PHF14: variants seen among roughly 807,000 people sequenced by gnomAD.
PHF14 encodes the protein PHD finger protein 14.
Under a neutral mutation model 117.9 loss-of-function variants are expected in PHF14, and 55 were observed. The observed-to-expected ratio is 0.47, with a 90% confidence interval of 0.38 to 0.58. The LOEUF is 0.58. PHF14 is among the 20% of genes least tolerant of loss of function. The pLI is 0.00. For missense variants in PHF14, 978 were observed against 1,122.2 expected, an observed-to-expected ratio of 0.87 and a Z score of 1.84; for synonymous variants, 409 against 368.6, an observed-to-expected ratio of 1.11 and a Z score of -1.26.
chr7:11,068,730 A>G (rs1284059329), intron 16 of PHF14, among the ~76,000 whole-genome samples: 5 of 152,190 alleles, frequency 3.3e-5, no homozygotes, highest in Admixed American at 2.6e-4. Flanking sequence ...CCTGAAGAAC[A>G]AAAGTCTACA....
At chr7:11,103,695 G>C in intron 16 of PHF14, 1 of 984,502 alleles carries the variant, frequency 1.0e-6, no homozygotes, top group South Asian at 4.7e-5. Flanking sequence ...TTAAACTTTA[G>C]GAATAGAGTA....
At chr7:10,984,121 GTAAGT>G in intron 3 of PHF14, among the ~76,000 whole-genome samples, 1 of 152,148 alleles carries the variant, frequency 6.6e-6, no homozygotes, top group South Asian at 2.1e-4. Context: ...TATCACTGAA[GTAAGT>G]TAAACGGGTA....
intron 4 of PHF14, among the ~76,000 whole-genome samples, chr7:11,005,289 C>T (rs956285671): frequency 6.6e-6 from 1 of 152,130 alleles, no homozygotes; most frequent in African/African-American, 2.4e-5. Context: ...ATTCTAATTC[C>T]TCCTACATTT....
chr7:10,977,486 C>G (rs1781907615), intron 2 of PHF14, among the ~76,000 whole-genome samples: 1 of 151,972 alleles, frequency 6.6e-6, no homozygotes, highest in Admixed American at 6.6e-5. Context: ...AAAACATTTG[C>G]AGATAAACAT....
intron 2 of PHF14, 86 bp downstream of exon 2, chr7:10,975,031 T>G: frequency 1.4e-6 from 1 of 739,288 alleles, no homozygotes; most frequent in Non-Finnish European, 2.3e-6. Context: ...TTGATTAAAA[T>G]GCCAATTTTA....
intron 17 of PHF14, among the ~76,000 whole-genome samples, chr7:11,138,016 C>T (rs1007313037): frequency 1.3e-5 from 2 of 150,958 alleles, no homozygotes; most frequent in Admixed American, 6.6e-5. Context: ...ATTAAAATTT[C>T]ATGAGGAAAC....
intron 4 of PHF14, among the ~76,000 whole-genome samples, chr7:10,997,278 TG>T (rs1347090085): frequency 1.3e-5 from 2 of 152,160 alleles, no homozygotes; most frequent in African/African-American, 4.8e-5. Flanking sequence ...TGAGGGTCAT[TG>T]GCCATCTTGA....
Position 11,166,836 on chromosome 7 carries a change from A to C in PHF14, c.2773-2580A>C, listed in dbSNP as rs75970759. On this transcript the variant is annotated intron_variant, in intron 17 of 17. Transcript: ENST00000634607. ...TTAAGACAAATCCTCAGCACAAAGA[A>C]AGGTGTGAAACAGTTATGTACCTGT... Among the ~76,000 whole-genome samples the C allele has an allele frequency of 8.1e-3, 1,238 of 152,264 alleles. 4 individuals are homozygous for C. The highest frequency in any genetic ancestry group is 0.013 in the Non-Finnish European group (893 of 68,024).
intron 4 of PHF14, among the ~76,000 whole-genome samples, chr7:11,003,804 C>T (rs1355162732): frequency 6.6e-6 from 1 of 152,208 alleles, no homozygotes; most frequent in African/African-American, 2.4e-5. Flanking sequence ...TCTGTCTCAA[C>T]TCTACTTCTC....
intron 17 of PHF14, among the ~76,000 whole-genome samples, chr7:11,149,159 T>G (rs1338689075): frequency 1.3e-5 from 2 of 152,042 alleles, no homozygotes; most frequent in African/African-American, 4.8e-5. Flanking sequence ...GTGCATTTTC[T>G]GCTGTGCTCA....
chr7:11,167,988 T>C (rs1291078947), intron 17 of PHF14, among the ~76,000 whole-genome samples: 2 of 147,090 alleles, frequency 1.4e-5, no homozygotes, highest in Non-Finnish European at 3.0e-5. Context: ...ATCGCGCCAC[T>C]GCACTCCAGC....
intron 3 of PHF14, 128 bp from the exon 4 acceptor site, chr7:10,990,575 G>T (rs1782414613): frequency 1.7e-6 from 1 of 593,972 alleles, no homozygotes; most frequent in Admixed American, 3.2e-5. Flanking sequence ...GTTAATAAAA[G>T]AATGGAAAAT....
intron 16 of PHF14, chr7:11,104,675 T>C (rs1787198928): frequency 3.2e-6 from 3 of 949,430 alleles, no homozygotes; most frequent in African/African-American, 3.5e-5. Flanking sequence ...ACGTTGTGCA[T>C]TGGAATCACA....
chr7:11,003,520 T>G (rs1313968863), intron 4 of PHF14, among the ~76,000 whole-genome samples: 1 of 152,232 alleles, frequency 6.6e-6, no homozygotes, highest in African/African-American at 2.4e-5. Context: ...TACAATATGT[T>G]GTTATGGGAT....
intron 17 of PHF14, among the ~76,000 whole-genome samples, chr7:11,112,399 GTTTA>G (rs1366386711): frequency 6.6e-6 from 1 of 152,096 alleles, no homozygotes; most frequent in African/African-American, 2.4e-5. Flanking sequence ...TTCTGCAAAA[GTTTA>G]TTTATTAAAA....
intron 16 of PHF14, chr7:11,063,134 A>T: frequency 3.1e-6 from 3 of 953,730 alleles, no homozygotes; most frequent in South Asian, 4.9e-5. Context: ...TATGCTATCA[A>T]TGAGAAAGAT....
intron 16 of PHF14, among the ~76,000 whole-genome samples, chr7:11,089,627 A>G (rs1786561435): frequency 1.3e-5 from 2 of 152,238 alleles, no homozygotes. Flanking sequence ...TATTCTTCAA[A>G]TACTCAGGCA....
intron 4 of PHF14, among the ~76,000 whole-genome samples, chr7:11,001,957 G>A (rs1782891567): frequency 1.3e-5 from 2 of 151,968 alleles, no homozygotes; most frequent in South Asian, 2.1e-4. Flanking sequence ...GTTTCTCATC[G>A]TTAAGTATGA....
intron 8 of PHF14, 81 bp from the exon 9 acceptor site, chr7:11,036,337 G>A: frequency 8.6e-7 from 1 of 1,163,810 alleles, no homozygotes; most frequent in East Asian, 2.6e-5. Context: ...TGTGAACATG[G>A]GAATAAAAAT....
Sources: gnomAD v4.1 joint callset for allele counts (sites outside exome capture counted in the v4.1 genomes callset) on GRCh38, gnomAD v4.1.1 for gene constraint, MANE v1.5 for transcripts, NCBI Gene and HGNC (gene_info 2026-07-23, HGNC 2026-07-21) for gene names.